The following ZNF804B variants were observed in gnomAD, a reference collection of about 807,000 sequenced individuals.
ZNF804B encodes zinc finger protein 804B.
A neutral mutation model predicts 101.4 loss-of-function variants in ZNF804B; 80 were observed. That is an observed-to-expected ratio of 0.79 (90% CI 0.66 to 0.95). The LOEUF is 0.95. Among genes scored for constraint, ZNF804B ranks in the 40% least tolerant of loss-of-function variants. The pLI is 0.00. For synonymous variants in ZNF804B, 622 were observed against 558.8 expected (o/e 1.11, Z -1.59); for missense variants, 1,673 against 1,561.9 (o/e 1.07, Z -1.20).
chr7:88,990,681 A>T (rs1793832062), intron 1 of ZNF804B, among the ~76,000 whole-genome samples: 1 of 152,104 alleles, frequency 6.6e-6, no homozygotes, highest in African/African-American at 2.4e-5. Flanking sequence ...GCACAGAGTA[A>T]AGGTGAAGAA....
At chr7:88,875,536 A>G (rs1048996608) in intron 1 of ZNF804B, among the ~76,000 whole-genome samples, 31 of 152,186 alleles carry the variant, frequency 2.0e-4, no homozygotes, top group African/African-American at 6.5e-4. Context: ...AAACACCTCT[A>G]CGCAAATAAA....
intron 1 of ZNF804B, among the ~76,000 whole-genome samples, chr7:89,178,137 T>C (rs1788234091): frequency 6.6e-6 from 1 of 152,148 alleles, no homozygotes; most frequent in Admixed American, 6.5e-5. Context: ...TTTTCTATTC[T>C]TTCATTTTTA....
chr7:88,876,339 T>A (rs1791938947), intron 1 of ZNF804B, among the ~76,000 whole-genome samples: 1 of 152,206 alleles, frequency 6.6e-6, no homozygotes, highest in South Asian at 2.1e-4. Flanking sequence ...TAGGGATATG[T>A]TTAAATTAGT....
Position 89,265,108 on chromosome 7 carries a change from G to A in ZNF804B, c.249+46813G>A, listed in dbSNP as rs369362141. Among the ~76,000 whole-genome samples, 3 of 152,154 alleles carry A rather than the reference G, an allele frequency of 2.0e-5. No homozygotes were observed. In the South Asian group the frequency reaches 6.2e-4, roughly 32 times the overall value. The stretch of plus-strand genomic sequence containing the variant: ...CATTGATTTGTAGGGGCTGCCAAGA[G>A]TACAAAGTTGAGAAAGATAGTGTGA... On this transcript the variant is annotated intron_variant, in intron 2 of 3. Coordinates refer to ENST00000333190, the MANE Select transcript of ZNF804B (RefSeq NM_181646.5).
At chr7:89,135,425 T>C (rs1480494476) in intron 1 of ZNF804B, among the ~76,000 whole-genome samples, 1 of 152,078 alleles carries the variant, frequency 6.6e-6, no homozygotes, top group African/African-American at 2.4e-5. Flanking sequence ...CATCTACTGA[T>C]AGTCAGATTT....
intron 1 of ZNF804B, among the ~76,000 whole-genome samples, chr7:88,838,093 A>G (rs2115798294): frequency 6.6e-6 from 1 of 152,020 alleles, no homozygotes; most frequent in East Asian, 1.9e-4. Context: ...TTCACAGACA[A>G]AAACATTTTA....
intron 1 of ZNF804B, among the ~76,000 whole-genome samples, chr7:88,935,572 G>T (rs1187671904): frequency 6.6e-6 from 1 of 151,630 alleles, no homozygotes; most frequent in African/African-American, 2.4e-5. Flanking sequence ...ACTTTCAAGT[G>T]TAGGGTGGGC....
chr7:88,801,703 A>T (rs1790589036), intron 1 of ZNF804B, among the ~76,000 whole-genome samples: 1 of 152,152 alleles, frequency 6.6e-6, no homozygotes, highest in South Asian at 2.1e-4. Flanking sequence ...AAAAAATTTT[A>T]AAAAAGAAAC....
At chr7:89,210,713 T>A (rs747591628) in intron 1 of ZNF804B, among the ~76,000 whole-genome samples, 1 of 152,240 alleles carries the variant, frequency 6.6e-6, no homozygotes, top group Non-Finnish European at 1.5e-5. Context: ...CCATGGTGTC[T>A]ATGTACCACA....
intron 1 of ZNF804B, among the ~76,000 whole-genome samples, chr7:89,192,477 G>A (rs528211954): frequency 6.6e-6 from 1 of 151,988 alleles, no homozygotes; most frequent in East Asian, 1.9e-4. Context: ...GCTAAGTGAA[G>A]TCAGACAAAT....
intron 1 of ZNF804B, among the ~76,000 whole-genome samples, chr7:89,135,916 G>A (rs1049691699): frequency 2.0e-5 from 3 of 151,966 alleles, no homozygotes; most frequent in Admixed American, 6.6e-5. Context: ...AGAATATAAA[G>A]CTATCTTTTG....
intron 1 of ZNF804B, among the ~76,000 whole-genome samples, chr7:88,767,633 G>C (rs1441550103): frequency 1.3e-5 from 2 of 152,158 alleles, no homozygotes; most frequent in Admixed American, 1.3e-4. Flanking sequence ...GATATGAAAG[G>C]AAGAGGCATG....
chr7:89,017,995 G>A (rs1276451251), intron 1 of ZNF804B, among the ~76,000 whole-genome samples: 4 of 151,986 alleles, frequency 2.6e-5, no homozygotes, highest in Admixed American at 2.6e-4. Flanking sequence ...TTTTAGTTGG[G>A]ATGCCCTTTA....
intron 1 of ZNF804B, among the ~76,000 whole-genome samples, chr7:88,790,756 G>A (rs1349319721): frequency 1.3e-5 from 2 of 151,922 alleles, no homozygotes; most frequent in South Asian, 2.1e-4. Flanking sequence ...ATGAACATAC[G>A]CGTGCATGTA....
intron 1 of ZNF804B, among the ~76,000 whole-genome samples, chr7:89,070,780 A>AT (rs1037035162): frequency 9.2e-5 from 14 of 151,800 alleles, no homozygotes; most frequent in African/African-American, 2.2e-4. Flanking sequence ...AGGACCATTG[A>AT]TTTTTTTTCT....
At chr7:89,185,577 C>T (rs1364322674) in intron 1 of ZNF804B, among the ~76,000 whole-genome samples, 1 of 152,134 alleles carries the variant, frequency 6.6e-6, no homozygotes, top group African/African-American at 2.4e-5. Context: ...AAGACAGGAT[C>T]TGGTCGGGCG....
chr7:89,318,212 T>C (rs1790762158), intron 2 of ZNF804B, among the ~76,000 whole-genome samples: 2 of 152,112 alleles, frequency 1.3e-5, no homozygotes, highest in Admixed American at 1.3e-4. Flanking sequence ...AATTTGGAGT[T>C]TGGGTGGCAG....
At chr7:88,912,335 C>T (rs1792560564) in intron 1 of ZNF804B, among the ~76,000 whole-genome samples, 2 of 151,942 alleles carry the variant, frequency 1.3e-5, no homozygotes, top group Non-Finnish European at 2.9e-5. Flanking sequence ...TAGAGAGGTA[C>T]AGGAAATATA....
At chr7:89,208,184 C>A (rs999493350) in intron 1 of ZNF804B, among the ~76,000 whole-genome samples, 3 of 150,944 alleles carry the variant, frequency 2.0e-5, no homozygotes, top group African/African-American at 7.3e-5. Context: ...CAGGTTCATG[C>A]CGTTCTCCTG....
Sources: gnomAD v4.1 joint callset for allele counts (sites outside exome capture counted in the v4.1 genomes callset) on GRCh38, gnomAD v4.1.1 for gene constraint, MANE v1.5 for transcripts, NCBI Gene and HGNC (gene_info 2026-07-23, HGNC 2026-07-21) for gene names.